Variants in TEX14 observed in about 807,000 individuals in gnomAD.
TEX14 encodes the protein inactive serine/threonine-protein kinase TEX14.
TEX14 carries 168 observed loss-of-function variants against 178.6 expected under a neutral mutation model. The observed-to-expected ratio is 0.94, with a 90% CI of 0.83 to 1.07. TEX14 has a LOEUF of 1.07. Ranked by LOEUF, TEX14 falls within the 50% of genes least tolerant of loss-of-function variation. The pLI, the probability that TEX14 is intolerant of heterozygous loss-of-function variation, is 0.00. For missense variants in TEX14, 1,730 were observed against 1,753.6 expected (o/e 0.99, Z 0.24); for synonymous variants, 626 against 634.1 (o/e 0.99, Z 0.19).
chr17:58,564,157 C>T (rs906682884), intron 28 of TEX14: 5 of 152,064 alleles, frequency 3.3e-5, no homozygotes, highest in Admixed American at 2.6e-4. Flanking sequence ...ATAGAATTAC[C>T]ATATGATCCA....
At chr17:58,619,561 A>G (rs1176111250) in intron 5 of TEX14, among the ~76,000 whole-genome samples, 1 of 152,174 alleles carries the variant, frequency 6.6e-6, no homozygotes, top group Non-Finnish European at 1.5e-5. Flanking sequence ...TAATCCCAGC[A>G]TTTCAGGAGG....
intron 1 of TEX14, among the ~76,000 whole-genome samples, chr17:58,678,442 T>TTA (rs2047431082): frequency 6.6e-6 from 1 of 152,044 alleles, no homozygotes; most frequent in African/African-American, 2.4e-5. Flanking sequence ...CCATCAATGA[T>TTA]AGAATGGATT....
At chr17:58,610,510 T>C (rs998221092) in intron 10 of TEX14, among the ~76,000 whole-genome samples, 9 of 152,174 alleles carry the variant, frequency 5.9e-5, no homozygotes, top group Admixed American at 2.6e-4. Flanking sequence ...AGCTACAGAT[T>C]GGAGTGACAG....
rs9901957 is a variant in TEX14, at chr17:58,594,642, C to T, written c.2470-981G>A. On this transcript the variant is annotated intron_variant, in intron 14 of 31. Coordinates refer to ENST00000349033, the MANE Select transcript of TEX14 (RefSeq NM_031272.5). The stretch of plus-strand genomic sequence containing the variant: ...TACAGGGATTACAGGCGTGAGACAC[C>T]GCACCCTGACACTAAGAGAATCTTG... 1.2e-3 allele frequency among the ~76,000 whole-genome samples: 181 copies of T among 152,114 alleles called. 1 individual carries two copies. Among genetic ancestry groups the T allele is most frequent in the African/African-American group, 4.3e-3 (177 of 41,508 alleles).
intron 14 of TEX14, 61 bp downstream of exon 14, chr17:58,598,815 A>G: frequency 6.9e-7 from 1 of 1,448,706 alleles, no homozygotes; most frequent in East Asian, 2.3e-5. Flanking sequence ...AAAGGTTTCC[A>G]GCCACAACCA....
Position 58,579,741 on chromosome 17 carries a change from A to C in TEX14, c.3172-10T>G, listed in dbSNP as rs769880917. ...CTATGGGACTCGAGGTCTAAAAAAG[A>C]ACAAAAGAAAAGCAAAGAAAGGAGG... On this transcript the variant is annotated splice_polypyrimidine_tract_variant and intron_variant, in intron 19 of 31. Coordinates refer to ENST00000349033, the MANE Select transcript of TEX14 (RefSeq NM_031272.5). The C allele has an allele frequency of 1.1e-5, 18 of 1,611,664 alleles. No homozygotes were observed. The highest frequency in any genetic ancestry group is 1.5e-5 in the Non-Finnish European group (18 of 1,178,426).
intron 10 of TEX14, 42 bp from the exon 11 acceptor site, chr17:58,605,171 G>T (rs572096929): frequency 1.9e-6 from 3 of 1,587,260 alleles, no homozygotes; most frequent in Non-Finnish European, 1.7e-6. Flanking sequence ...TGCCTTAAAG[G>T]GTCTTTTATT....
At chr17:58,583,957 T>C (rs2044886789) in intron 19 of TEX14, among the ~76,000 whole-genome samples, 1 of 152,240 alleles carries the variant, frequency 6.6e-6, no homozygotes, top group Non-Finnish European at 1.5e-5. Flanking sequence ...AAAATTTTGG[T>C]TTCTTAGTCT....
Position 58,599,436 on chromosome 17 carries a change from CTA to C in TEX14, c.1907_1908del (p.Ile636ArgfsTer16). 1 of 1,614,178 alleles carries C rather than the reference CTA, an allele frequency of 6.2e-7. No homozygotes were observed. The highest frequency in any genetic ancestry group is 8.5e-7 in the Non-Finnish European group (1 of 1,180,026). ...GATGAAGCAGCTCCTGGAGGCTCTT[CTA>C]TGTCATCTTCCAAAATCAAGCAGCC... Reference protein sequence around the residue: ...YSGCLILEDDIEEPPGAASSL... With the variant: ...YSGCLILEDDXEEPPGAASSL... On this transcript the variant is annotated frameshift_variant, in exon 14 of 32. Transcript: ENST00000349033. LOFTEE classifies it high-confidence loss of function.
At chr17:58,658,387 CTTTTTTTTTTTT>C (rs34857563) in intron 1 of TEX14, among the ~76,000 whole-genome samples, 1 of 95,016 alleles carries the variant, frequency 1.1e-5, no homozygotes. Flanking sequence ...TGTGCACCGG[CTTTTTTTTTTTT>C]TTTTTTTTTT....
At chr17:58,627,448 G>A (rs2046171559) in intron 3 of TEX14, among the ~76,000 whole-genome samples, 1 of 152,158 alleles carries the variant, frequency 6.6e-6, no homozygotes, top group Non-Finnish European at 1.5e-5. Flanking sequence ...TCAAGGCGAT[G>A]TTTATACACC....
At chr17:58,601,534 A>G (rs2144480768) in intron 13 of TEX14, among the ~76,000 whole-genome samples, 1 of 152,006 alleles carries the variant, frequency 6.6e-6, no homozygotes, top group East Asian at 1.9e-4. Flanking sequence ...AAAAAAAAAA[A>G]AAGAAAAAAA....
At chr17:58,651,829 T>G in intron 2 of TEX14, 37 bp downstream of exon 2, 7 of 1,578,374 alleles carry the variant, frequency 4.4e-6, no homozygotes, top group Non-Finnish European at 4.3e-6. Flanking sequence ...CAGAAATGTG[T>G]ACCAAGGTGC....
intron 10 of TEX14, among the ~76,000 whole-genome samples, chr17:58,610,071 G>A (rs1404833064): frequency 2.6e-5 from 4 of 152,190 alleles, no homozygotes; most frequent in Non-Finnish European, 4.4e-5. Context: ...GGAAGCGCAG[G>A]GGAGAGCCTC....
chr17:58,572,155 C>T (rs898159360), intron 23 of TEX14, 29 bp from the exon 24 acceptor site: 89 of 1,514,770 alleles, frequency 5.9e-5, no homozygotes, highest in Middle Eastern at 1.7e-4. Context: ...AGGTTACTGT[C>T]TGAATCCTTT....
rs763784871 is a variant in TEX14 at position 58,622,949 on chromosome 17, A to C, written c.315T>G (p.Leu105=). Residue 105 remains leucine, a synonymous_variant, in exon 4 of 32, where the codon CTT becomes CTG. Coordinates refer to ENST00000349033, the MANE Select transcript of TEX14 (RefSeq NM_031272.5). ...AAAFSGNQWI[L]SKLLDAGGDL... ...CACCTCCTGCATCCAGCAGTTTGCT[A>C]AGGATCCACTGATTGCCCGAAAATG... 1.3e-5 allele frequency: 21 copies of C among 1,612,174 alleles called. No individual in the cohort carries two copies. The highest frequency in any genetic ancestry group is 1.7e-5 in the Non-Finnish European group (20 of 1,178,436).
chr17:58,640,855 G>A (rs766135074), intron 2 of TEX14, among the ~76,000 whole-genome samples: 44 of 151,892 alleles, frequency 2.9e-4, no homozygotes, highest in Non-Finnish European at 4.9e-4. Flanking sequence ...GAGTAGCTGG[G>A]GCTACAGGTG....
intron 1 of TEX14, chr17:58,661,081 CT>C: frequency 9.5e-7 from 1 of 1,050,086 alleles, no homozygotes; most frequent in Non-Finnish European, 1.5e-6. Context: ...TTGTAGACAA[CT>C]TATGCTCCAA....
chr17:58,669,402 T>C (rs77166307), intron 1 of TEX14, among the ~76,000 whole-genome samples: 1 of 150,338 alleles, frequency 6.7e-6, no homozygotes, highest in South Asian at 2.1e-4. Flanking sequence ...GAGTTTGTCA[T>C]ATTTGCTGAA....
Sources: allele counts gnomAD v4.1 joint callset (sites outside exome capture counted in the v4.1 genomes callset), GRCh38; gene constraint gnomAD v4.1.1; transcripts MANE v1.5; gene names NCBI Gene and HGNC (gene_info 2026-07-23, HGNC 2026-07-21).